The following SCRIB variants were observed in gnomAD, a reference collection of about 807,000 sequenced individuals.
SCRIB encodes the protein protein scribble homolog.
SCRIB carries 72 observed loss-of-function variants against 170.0 expected under a neutral mutation model. The ratio of observed to expected loss-of-function variants is 0.42; its 90% confidence interval spans 0.35 to 0.52. The LOEUF is 0.52. Ranked by LOEUF, SCRIB falls within the 20% of genes least tolerant of loss-of-function variation. The pLI, the probability that SCRIB is intolerant of heterozygous loss-of-function variation, is 0.02. For missense variants in SCRIB, 2,475 were observed against 2,338.5 expected (o/e 1.06, Z -1.20); for synonymous variants, 1,298 against 1,044.3 (o/e 1.24, Z -4.68).
chr8:143,802,564 G>A (rs892184539), intron 24 of SCRIB, among the ~76,000 whole-genome samples: 12 of 152,250 alleles, frequency 7.9e-5, no homozygotes, highest in African/African-American at 2.7e-4. Context: ...AGCCATGGGC[G>A]CTGGCCCTCC....
rs769539635 is a variant in SCRIB at position 143,813,808 on chromosome 8, T to G, written c.356+10A>C. On this transcript the variant is annotated intron_variant, in intron 3 of 36. Coordinates refer to ENST00000356994, the MANE Select transcript of SCRIB (RefSeq NM_182706.5). ...AGCCCCTACCGACCCCACCACAGGC[T>G]GCCACCCACCTGGAGAGGGGGTTCC... is the stretch of plus-strand genomic sequence containing the variant. 6.8e-6 allele frequency: 11 copies of G among 1,608,324 alleles called. No homozygotes were observed. In the East Asian group the frequency reaches 2.2e-4, roughly 33 times the overall value.
intron 24 of SCRIB, among the ~76,000 whole-genome samples, chr8:143,795,840 C>T (rs1183829500): frequency 2.0e-5 from 3 of 152,216 alleles, no homozygotes; most frequent in Non-Finnish European, 4.4e-5. Context: ...TAAAGTCATC[C>T]CCAGGAAGAG....
chr8:143,810,603 C>A lies in SCRIB; in HGVS notation c.1406G>T (p.Gly469Val), dbSNP rs777423683. The change falls in exon 13 of 37, where the codon GGC becomes GTC. Residue 469 changes from glycine (G) to valine (V), a missense_variant and splice_region_variant. Gly to Val is a moderately radical substitution (Grantham distance 109, BLOSUM62 -3). Transcript: ENST00000356994. The part of the protein sequence containing the change: ...DAEEAAAEKR[G>V]LQRRATPHPS... ...GTGAGGTGTGGCCCGGCGCTGTAGGCCCTGTTGTAGGGACAAGGATGAGCA... is the reference window on the plus strand; with the variant it reads ...GTGAGGTGTGGCCCGGCGCTGTAGGACCTGTTGTAGGGACAAGGATGAGCA... The A allele has an allele frequency of 6.2e-7, 1 of 1,613,334 alleles. No individual in the cohort carries two copies. Among genetic ancestry groups the A allele is most frequent in the Admixed American group, 1.7e-5 (1 of 60,008 alleles).
In SCRIB at chr8:143,795,400, CGGCTGCA is replaced by C; in HGVS notation, c.3714+13_3714+19del. ...TCGGGCTCCCTGGCCCTGGGGCTGCCGGCTGCAGGCACCTCTGACCTTGCCTGGGCCC... is the reference window on the plus strand; with the variant it reads ...TCGGGCTCCCTGGCCCTGGGGCTGCCGGCACCTCTGACCTTGCCTGGGCCC... On this transcript the variant is annotated intron_variant, in intron 25 of 36. Transcript: ENST00000356994. 2 of 1,612,434 alleles carry C rather than the reference CGGCTGCA, an allele frequency of 1.2e-6. No homozygotes were observed. Among genetic ancestry groups the C allele is most frequent in the Non-Finnish European group, 8.5e-7 (1 of 1,179,456 alleles).
At chr8:143,808,398 G>A (rs1263359130) in intron 15 of SCRIB, among the ~76,000 whole-genome samples, 2 of 145,016 alleles carry the variant, frequency 1.4e-5, no homozygotes, top group Non-Finnish European at 3.1e-5. Context: ...GGCAGGCCTG[G>A]AGTCCAAGCA....
chr8:143,800,692 T>A (rs1244253036), intron 24 of SCRIB, among the ~76,000 whole-genome samples: 3 of 152,190 alleles, frequency 2.0e-5, no homozygotes, highest in Non-Finnish European at 4.4e-5. Flanking sequence ...CTAGGTAACA[T>A]GACAAAACCC....
intron 17 of SCRIB, among the ~76,000 whole-genome samples, chr8:143,806,692 G>A (rs1231652360): frequency 6.6e-6 from 1 of 152,226 alleles, no homozygotes; most frequent in Non-Finnish European, 1.5e-5. Context: ...GTGGCCCCAG[G>A]CCTGGTGCAC....
intron 35 of SCRIB, 91 bp from the exon 36 acceptor site, chr8:143,791,531 G>C: frequency 6.3e-7 from 1 of 1,585,858 alleles, no homozygotes; most frequent in African/African-American, 1.3e-5. Flanking sequence ...GAGGCCCACA[G>C]AGCCCGGCTG....
Position 143,815,500 on chromosome 8 carries a change from T to TGGACGG in SCRIB, c.-134_-129dup, listed in dbSNP as rs1477915248. On this transcript the variant is annotated 5_prime_UTR_variant, in exon 1 of 37. Coordinates refer to ENST00000356994, the MANE Select transcript of SCRIB (RefSeq NM_182706.5). The stretch of plus-strand genomic sequence containing the variant: ...AGGCAGGGGGCGGGCCGCCCGAGAC[T>TGGACGG]GGACGGGGACGCGGCCGCGGCCGGC... 6.1e-6 allele frequency: 6 copies of TGGACGG among 991,544 alleles called. No homozygotes were observed. In the African/African-American group the frequency reaches 7.1e-5, roughly 12 times the overall value. 61.4% of individuals were successfully genotyped at this position (991,544 alleles called of 1,614,324 possible).
intron 13 of SCRIB, among the ~76,000 whole-genome samples, 176 bp downstream of exon 13, chr8:143,810,303 T>A (rs903871743): frequency 1.3e-5 from 2 of 152,080 alleles, no homozygotes; most frequent in Admixed American, 6.6e-5. Flanking sequence ...ACGTCCACCC[T>A]GGCACCCTTC....
Position 143,815,523 on chromosome 8 carries a change from GGC to G in SCRIB, c.-153_-152del, listed in dbSNP as rs1420830870. On this transcript the variant is annotated 5_prime_UTR_variant, in exon 1 of 37. Transcript: ENST00000356994. ...ACTGGACGGGGACGCGGCCGCGGCC[GGC>G]GCTGGGCCCGGCCCGCGCTCGGAAC... 25 of 984,300 alleles carry G rather than the reference GGC, an allele frequency of 2.5e-5. No individual in the cohort carries two copies. Among genetic ancestry groups the G allele is most frequent in the Middle Eastern group, 5.2e-4 (1 of 1,916 alleles). The allele number at this position is 984,300 out of a possible 1,614,324, so 61.0% of individuals were successfully genotyped here. A position where few individuals can be genotyped will look rare whatever the true frequency, so the allele number is the denominator to read the frequency against.
chr8:143,805,364 G>C lies in SCRIB; in HGVS notation c.2418C>G (p.Ala806=), dbSNP rs372919551. 6.4e-7 allele frequency: 1 copy of C among 1,550,554 alleles called. No individual in the cohort carries two copies. Among genetic ancestry groups the C allele is most frequent in the South Asian group, 1.2e-5 (1 of 85,354 alleles). ...AVEALRGAGT[A]VQMRVWRERM... ...GCTCCCGCCACACTCGCATCTGCAC[G>C]GCAGTGCCGGCCCCCCGGAGCGCCT... is the stretch of plus-strand genomic sequence containing the variant. The change falls in exon 19 of 37, where the codon GCC becomes GCG. Residue 806 remains alanine (A), a synonymous_variant. Coordinates refer to ENST00000356994, the MANE Select transcript of SCRIB (RefSeq NM_182706.5).
intron 27 of SCRIB, chr8:143,794,200 G>C (rs1814836359): frequency 3.8e-6 from 2 of 533,130 alleles, no homozygotes; most frequent in Admixed American, 6.2e-5. Context: ...GTGCTGGCTG[G>C]AGCTTTGCAG....
Position 143,791,104 on chromosome 8 carries a change from A to C in SCRIB, c.*59T>G. On this transcript the variant is annotated 3_prime_UTR_variant, in exon 37 of 37. Coordinates refer to ENST00000356994, the MANE Select transcript of SCRIB (RefSeq NM_182706.5). The stretch of plus-strand genomic sequence containing the variant: ...CACCCAGGTTAAAAGACTTGGGGCA[A>C]GGGTGGTGCTGGAGCTGGCAGGGCC... 1 of 1,371,078 alleles carries C rather than the reference A, an allele frequency of 7.3e-7. No homozygotes were observed. Among genetic ancestry groups the C allele is most frequent in the Admixed American group, 3.4e-5 (1 of 29,160 alleles). 84.9% of individuals were successfully genotyped at this position (1,371,078 alleles called of 1,614,324 possible).
At chr8:143,806,875 G>A in intron 17 of SCRIB, 49 bp downstream of exon 17, 1 of 1,295,278 alleles carries the variant, frequency 7.7e-7, no homozygotes, top group Non-Finnish European at 1.1e-6. Flanking sequence ...TGTGAACTGT[G>A]GTGGGGCAGG....
chr8:143,798,839 G>T (rs7836756), intron 24 of SCRIB, among the ~76,000 whole-genome samples: 1 of 142,372 alleles, frequency 7.0e-6, no homozygotes, highest in South Asian at 2.2e-4. Context: ...CCCACACCCA[G>T]CTCCCACCGA....
chr8:143,812,487 C>T, intron 8 of SCRIB, 103 bp from the exon 9 acceptor site: 2 of 894,948 alleles, frequency 2.2e-6, no homozygotes, highest in East Asian at 2.5e-5. Flanking sequence ...GGCCCCCAGC[C>T]CCTTCTGCCG....
At chr8:143,808,526 C>G in intron 15 of SCRIB, 83 bp downstream of exon 15, 1 of 1,468,302 alleles carries the variant, frequency 6.8e-7, no homozygotes, top group Non-Finnish European at 9.0e-7. Context: ...TGGGTCAGGC[C>G]TCGGCCCTGC....
chr8:143,804,070 C>T lies in SCRIB; in HGVS notation c.3096G>A (p.Gln1032=). The change falls in exon 22 of 37, where the codon CAG becomes CAA. Residue 1032 remains glutamine (Q), a synonymous_variant. Coordinates refer to ENST00000356994, the MANE Select transcript of SCRIB (RefSeq NM_182706.5). ...SDHSSHPFGV[Q]EPGVFISKVL... ...CCTTGGAGATGAACACACCAGGCTC[C>T]TGGACACCAAACGGGTGGCTGGAAT... The T allele has an allele frequency of 6.2e-7, 1 of 1,612,122 alleles. No individual in the cohort carries two copies. The highest frequency in any genetic ancestry group is 8.5e-7 in the Non-Finnish European group (1 of 1,178,928).
Sources: allele counts gnomAD v4.1 joint callset (sites outside exome capture counted in the v4.1 genomes callset), GRCh38; gene constraint gnomAD v4.1.1; transcripts MANE v1.5; gene names NCBI Gene and HGNC (gene_info 2026-07-23, HGNC 2026-07-21).